The following CBX1 variants were observed in gnomAD, a reference collection of about 807,000 sequenced individuals.
CBX1 encodes chromobox 1, also known as chromobox protein homolog 1.
CBX1 carries 10 observed loss-of-function variants against 25.1 expected under a neutral mutation model. The ratio of observed to expected loss-of-function variants is 0.40; its 90% CI spans 0.25 to 0.68. The LOEUF is 0.68. CBX1 is among the 30% of genes least tolerant of loss of function. The probability of loss-of-function intolerance (pLI) is 0.40; values close to 1 mark genes in which losing one functional copy is unlikely to be tolerated. For synonymous variants in CBX1, 63 were observed against 79.4 expected (o/e 0.79, Z 1.10); for missense variants, 106 against 218.5 (o/e 0.49, Z 3.25).
chr17:48,075,439 C>T (rs984387155), intron 3 of CBX1, among the ~76,000 whole-genome samples: 2 of 152,236 alleles, frequency 1.3e-5, no homozygotes, highest in Middle Eastern at 3.4e-3. Context: ...GTGATCCGCC[C>T]GCCTCGGCCT....
At chr17:48,073,215 T>C (rs1449374027) in intron 4 of CBX1, among the ~76,000 whole-genome samples, 1 of 152,020 alleles carries the variant, frequency 6.6e-6, no homozygotes, top group Non-Finnish European at 1.5e-5. Flanking sequence ...CCTGATGACA[T>C]CTCTGACAAA....
intron 2 of CBX1, 26 bp downstream of exon 2, chr17:48,076,839 C>T (rs756843910): frequency 2.1e-5 from 33 of 1,600,188 alleles, no homozygotes; most frequent in African/African-American, 2.7e-5. Context: ...GTGGTGGCTA[C>T]ATTTACCTGT....
Position 48,071,546 on chromosome 17 carries a change from G to A in CBX1, c.447C>T (p.Ala149=). The A allele has an allele frequency of 6.2e-7, 1 of 1,612,892 alleles. No homozygotes were observed. The highest frequency in any genetic ancestry group is 8.5e-7 in the Non-Finnish European group (1 of 1,179,370). ...KNSDEADLVP[A]KEANVKCPQV... The stretch of plus-strand genomic sequence containing the variant: ...GTGGGCACTTGACATTGGCTTCCTT[G>A]GCAGGGACCAGGTCAGCCTCATCAG... The change falls in exon 5 of 5, where the codon GCC becomes GCT. Residue 149 remains alanine, a synonymous_variant. Coordinates refer to ENST00000225603, the MANE Select transcript of CBX1 (RefSeq NM_001127228.2).
intron 1 of CBX1, 28 bp downstream of exon 1, chr17:48,101,240 G>A: frequency 1.0e-6 from 1 of 989,378 alleles, no homozygotes; most frequent in Non-Finnish European, 1.2e-6. Flanking sequence ...CCCTCCCCCA[G>A]CTCTCCCGCC....
In CBX1 at chr17:48,097,548, C is replaced by T. The variant is rs1033985943; in HGVS notation, c.-38+3720G>A. Among the ~76,000 whole-genome samples, 13 of 148,622 alleles carry T rather than the reference C, an allele frequency of 8.7e-5. No individual in the cohort carries two copies. The East Asian group carries it at 2.4e-3, about 28-fold the overall frequency. On this transcript the variant is annotated intron_variant, in intron 1 of 4. Transcript: ENST00000225603. ...AGGAGGATCGCTTGAACCTGGGAGG[C>T]GGAGGTTGCAGTGAGCTGAGATCGC...
At chr17:48,084,201 C>A (rs1251213118) in intron 1 of CBX1, among the ~76,000 whole-genome samples, 1 of 107,440 alleles carries the variant, frequency 9.3e-6, no homozygotes, top group Non-Finnish European at 1.8e-5. Context: ...CTCTTTCTTT[C>A]CTTTTTTTTT....
At chr17:48,096,216 T>C in intron 1 of CBX1, 1 of 301,760 alleles carries the variant, frequency 3.3e-6, no homozygotes, top group Non-Finnish European at 4.9e-6. Flanking sequence ...GCCCTTGAAT[T>C]CCAGAGGATC....
intron 1 of CBX1, 143 bp from the exon 2 acceptor site, chr17:48,077,184 C>A: frequency 1.7e-6 from 1 of 581,376 alleles, no homozygotes; most frequent in Non-Finnish European, 2.8e-6. Context: ...TTCTCACACT[C>A]GATACAAAAT....
At chr17:48,080,970 A>G in intron 1 of CBX1, among the ~76,000 whole-genome samples, 1 of 90,596 alleles carries the variant, frequency 1.1e-5, no homozygotes. Context: ...ATATATATAT[A>G]TATATATATA....
At chr17:48,081,581 G>A (rs1251690249) in intron 1 of CBX1, among the ~76,000 whole-genome samples, 5 of 152,116 alleles carry the variant, frequency 3.3e-5, no homozygotes, top group Non-Finnish European at 5.9e-5. Context: ...TAGGATTACA[G>A]GCGCTCACCA....
intron 1 of CBX1, among the ~76,000 whole-genome samples, chr17:48,095,038 C>T (rs1323888048): frequency 6.6e-6 from 1 of 151,314 alleles, no homozygotes; most frequent in Non-Finnish European, 1.5e-5. Flanking sequence ...CAGAGCAAGA[C>T]TCTGCCTCAA....
At chr17:48,094,306 T>C (rs1330671409) in intron 1 of CBX1, among the ~76,000 whole-genome samples, 1 of 151,648 alleles carries the variant, frequency 6.6e-6, no homozygotes, top group East Asian at 1.9e-4. Context: ...TGGTGGCACA[T>C]ACCTGTAATC....
chr17:48,076,445 T>C (rs1431304297), intron 2 of CBX1, among the ~76,000 whole-genome samples: 1 of 152,192 alleles, frequency 6.6e-6, no homozygotes, highest in Non-Finnish European at 1.5e-5. Flanking sequence ...TGGCTCATGC[T>C]TGTAGTCCCA....
intron 4 of CBX1, among the ~76,000 whole-genome samples, chr17:48,074,120 A>G (rs865811974): frequency 6.6e-6 from 1 of 152,200 alleles, no homozygotes; most frequent in Non-Finnish European, 1.5e-5. Flanking sequence ...CAGTGGTGCT[A>G]AAGTTAGGCC....
chr17:48,076,245 G>T (rs140914068), intron 2 of CBX1, 67 bp from the exon 3 acceptor site: 1 of 1,254,512 alleles, frequency 8.0e-7, no homozygotes, highest in Non-Finnish European at 1.1e-6. Context: ...AAGGATAATC[G>T]TAAGAGGACA....
At chr17:48,092,385 A>C (rs2063349233) in intron 1 of CBX1, among the ~76,000 whole-genome samples, 1 of 151,440 alleles carries the variant, frequency 6.6e-6, no homozygotes, top group Non-Finnish European at 1.5e-5. Flanking sequence ...TAGGAGGCCA[A>C]GGCAAGGGTT....
chr17:48,090,110 T>A (rs1001898140), intron 1 of CBX1, among the ~76,000 whole-genome samples: 9 of 151,912 alleles, frequency 5.9e-5, no homozygotes, highest in Non-Finnish European at 1.3e-4. Flanking sequence ...TTCATCATGT[T>A]GGCCAGGGTG....
intron 4 of CBX1, among the ~76,000 whole-genome samples, chr17:48,073,803 G>A (rs2037648232): frequency 7.7e-6 from 1 of 129,796 alleles, no homozygotes; most frequent in South Asian, 2.4e-4. Flanking sequence ...CTCCAGCCTG[G>A]GCGAAAGAGT....
In CBX1 at chr17:48,080,991, TATAA is replaced by T. The variant is rs1449625787; in HGVS notation, c.-37-3954_-37-3951del. Among the ~76,000 whole-genome samples the T allele has an allele frequency of 6.7e-4, 50 of 74,690 alleles. 2 individuals are homozygous for T. Among genetic ancestry groups the T allele is most frequent in the Non-Finnish European group, 8.8e-4 (37 of 41,962 alleles). 49.0% of individuals were successfully genotyped at this position (74,690 alleles called of 152,430 possible). A position where few individuals can be genotyped will look rare whatever the true frequency, so the allele number is the denominator to read the frequency against. Reference sequence around the variant, plus strand: ...ATATATATATATATATATATATATATATAAAATTTGTCTTAGAAAAATAAATAGC... The same window carrying T: ...ATATATATATATATATATATATATATAATTTGTCTTAGAAAAATAAATAGC... On this transcript the variant is annotated intron_variant, in intron 1 of 4. Transcript: ENST00000225603.
Sources: allele counts gnomAD v4.1 joint callset (sites outside exome capture counted in the v4.1 genomes callset), GRCh38; gene constraint gnomAD v4.1.1; transcripts MANE v1.5; gene names NCBI Gene and HGNC (gene_info 2026-07-23, HGNC 2026-07-21).